The following UBR3 variants were observed in gnomAD, a reference collection of about 807,000 sequenced individuals.
UBR3 encodes E3 ubiquitin-protein ligase UBR3.
A neutral mutation model predicts 243.2 loss-of-function variants in UBR3; 85 were observed. The observed-to-expected ratio is 0.35, with a 90% CI of 0.29 to 0.42. The LOEUF is 0.42. Ranked by LOEUF, UBR3 falls within the 10% of genes least tolerant of loss-of-function variation. The pLI is 1.00. For synonymous variants in UBR3, 748 were observed against 799.8 expected, an observed-to-expected ratio of 0.94 and a Z score of 1.09; for missense variants, 1,686 against 2,300.8, an observed-to-expected ratio of 0.73 and a Z score of 5.47.
At position 169,957,749 on chromosome 2, in the gene UBR3, A is replaced by T. The variant is rs537893586; in HGVS notation, c.3546-689A>T. On this transcript the variant is annotated intron_variant, in intron 23 of 38. Transcript: ENST00000272793. ...GCCGTTAAGCTACAAAAAGAAAAAA[A>T]ATATTCTTTGGAAGTAGATAAGGCA... is the stretch of plus-strand genomic sequence containing the variant. 8.5e-5 allele frequency among the ~76,000 whole-genome samples: 13 copies of T among 152,322 alleles called. No individual in the cohort carries two copies. The South Asian group carries it at 2.3e-3, about 27-fold the overall frequency.
At chr2:169,849,585 G>A (rs1267797367) in intron 1 of UBR3, among the ~76,000 whole-genome samples, 2 of 152,164 alleles carry the variant, frequency 1.3e-5, no homozygotes, top group African/African-American at 4.8e-5. Flanking sequence ...ATGAGCCACG[G>A]TGCCCGGCCT....
In UBR3 at chr2:169,827,657, G is replaced by C. The variant is rs2105271594; in HGVS notation, c.150G>C (p.Glu50Asp). The C allele has an allele frequency of 3.2e-6, 4 of 1,238,968 alleles. No homozygotes were observed. Among genetic ancestry groups the C allele is most frequent in the Non-Finnish European group, 4.0e-6 (4 of 993,574 alleles). 76.7% of individuals were successfully genotyped at this position (1,238,968 alleles called of 1,614,324 possible). ...SRPDNRAGAEELQALLERVLS... is the reference protein window; with the variant it reads ...SRPDNRAGAEDLQALLERVLS... ...CGGACAACCGCGCAGGTGCTGAGGAGCTGCAGGCGCTGCTGGAGCGGGTGC... is the reference window on the plus strand; with the variant it reads ...CGGACAACCGCGCAGGTGCTGAGGACCTGCAGGCGCTGCTGGAGCGGGTGC... The change falls in exon 1 of 39, where the codon GAG becomes GAC. Residue 50 changes from glutamate to aspartate, a missense_variant. Around this residue, in one of 8 missense-constraint regions of UBR3, gnomAD observed 79 missense variants for 73.2 expected, o/e 1.08. Transcript: ENST00000272793.
At chr2:169,834,540 C>T (rs2082026214) in intron 1 of UBR3, among the ~76,000 whole-genome samples, 1 of 152,194 alleles carries the variant, frequency 6.6e-6, no homozygotes, top group Non-Finnish European at 1.5e-5. Context: ...CAATTTGTTT[C>T]CCCATATTCT....
intron 1 of UBR3, among the ~76,000 whole-genome samples, chr2:169,841,786 A>T (rs2082300662): frequency 6.6e-6 from 1 of 152,160 alleles, no homozygotes; most frequent in Non-Finnish European, 1.5e-5. Flanking sequence ...AGGGCTCGGG[A>T]CCTGCAGCCC....
At chr2:169,979,209 C>T (rs2088605874) in intron 24 of UBR3, among the ~76,000 whole-genome samples, 1 of 152,138 alleles carries the variant, frequency 6.6e-6, no homozygotes, top group Non-Finnish European at 1.5e-5. Context: ...CAGTGAGATA[C>T]CACTACATGG....
At chr2:169,850,839 G>C (rs1363184519) in intron 1 of UBR3, among the ~76,000 whole-genome samples, 11 of 149,294 alleles carry the variant, frequency 7.4e-5, no homozygotes, top group African/African-American at 2.5e-4. Flanking sequence ...GAGAGACTCA[G>C]TCTCAAAAAA....
intron 30 of UBR3, among the ~76,000 whole-genome samples, chr2:170,019,346 A>T (rs991510948): frequency 6.6e-6 from 1 of 152,212 alleles, no homozygotes; most frequent in Non-Finnish European, 1.5e-5. Flanking sequence ...GCAACTTAAA[A>T]TAGTTCTACT....
In UBR3 at chr2:169,932,911, G is replaced by A; in HGVS notation, c.2567-1G>A. On this transcript the variant is annotated splice_acceptor_variant, in intron 18 of 38. Transcript: ENST00000272793. LOFTEE classifies it high-confidence loss of function. ...TGTTTCTACTTTCTTTTGAATAATA[G>A]CTGAAGTCTGGGATCAAGAGTTTGA... 6.5e-7 allele frequency: 1 copy of A among 1,543,908 alleles called. No homozygotes were observed. Among genetic ancestry groups the A allele is most frequent in the Non-Finnish European group, 8.7e-7 (1 of 1,144,626 alleles).
At chr2:170,008,706 A>T (rs2089995093) in intron 28 of UBR3, 98 bp from the exon 29 acceptor site, 2 of 625,812 alleles carry the variant, frequency 3.2e-6, no homozygotes, top group Admixed American at 7.2e-5. Flanking sequence ...TTTTAATTTT[A>T]ATTTCCTACT....
At chr2:169,966,472 C>T (rs1038755945) in intron 24 of UBR3, among the ~76,000 whole-genome samples, 1 of 152,162 alleles carries the variant, frequency 6.6e-6, no homozygotes, top group African/African-American at 2.4e-5. Context: ...ACTGATTATA[C>T]TATATAGCAC....
At chr2:169,895,957 T>TA (rs200539633) in intron 7 of UBR3, among the ~76,000 whole-genome samples, 10,511 of 144,316 alleles carry the variant, frequency 0.073, 397 homozygotes, top group East Asian at 0.16. Flanking sequence ...TTATATCTGC[T>TA]AAAAAAAAAA....
chr2:170,017,595 GA>G (rs1169706205), intron 30 of UBR3, among the ~76,000 whole-genome samples: 1 of 150,466 alleles, frequency 6.6e-6, no homozygotes, highest in African/African-American at 2.5e-5. Flanking sequence ...GGGGAGAAGG[GA>G]AGATTGTTCT....
chr2:169,869,732 C>A (rs2083378404), intron 1 of UBR3, among the ~76,000 whole-genome samples: 1 of 152,030 alleles, frequency 6.6e-6, no homozygotes, highest in Non-Finnish European at 1.5e-5. Flanking sequence ...TCCAGTTATT[C>A]ATTTTTTGTT....
chr2:169,958,111 C>G (rs1315683994), intron 23 of UBR3, among the ~76,000 whole-genome samples: 1 of 152,172 alleles, frequency 6.6e-6, no homozygotes, highest in African/African-American at 2.4e-5. Flanking sequence ...AAAATATGTT[C>G]TTGGTCTTGC....
At chr2:169,886,309 C>G (rs914690765) in intron 5 of UBR3, among the ~76,000 whole-genome samples, 5 of 152,082 alleles carry the variant, frequency 3.3e-5, no homozygotes, top group African/African-American at 1.2e-4. Flanking sequence ...TATTTCTTTT[C>G]CAGTGCAGGA....
At chr2:170,070,139 T>C (rs2091666615) in intron 35 of UBR3, among the ~76,000 whole-genome samples, 1 of 152,158 alleles carries the variant, frequency 6.6e-6, no homozygotes, top group South Asian at 2.1e-4. Context: ...TAACTAATGC[T>C]GCATTGAACA....
intron 36 of UBR3, among the ~76,000 whole-genome samples, chr2:170,074,011 G>A (rs1306131372): frequency 6.6e-6 from 1 of 152,124 alleles, no homozygotes; most frequent in African/African-American, 2.4e-5. Context: ...TTGGGCCTAT[G>A]CTACCAGCTC....
intron 7 of UBR3, among the ~76,000 whole-genome samples, chr2:169,895,977 A>G (rs1487668254): frequency 6.6e-6 from 1 of 152,044 alleles, no homozygotes; most frequent in Non-Finnish European, 1.5e-5. Flanking sequence ...AACCAGAGAA[A>G]ATGTACATGT....
chr2:169,877,688 C>A, intron 4 of UBR3, 51 bp downstream of exon 4: 6 of 1,469,574 alleles, frequency 4.1e-6, no homozygotes, highest in Admixed American at 3.0e-5. Context: ...GTATTAAAAC[C>A]AAAAAAACCT....
Sources: gnomAD v4.1 joint callset for allele counts (sites outside exome capture counted in the v4.1 genomes callset) on GRCh38, gnomAD v4.1.1 for gene constraint, gnomAD v4.1.1 regional missense constraint, MANE v1.5 for transcripts, NCBI Gene and HGNC (gene_info 2026-07-23, HGNC 2026-07-21) for gene names.